The following PPP2R1B variants were observed in gnomAD, a reference collection of about 807,000 sequenced individuals.
PPP2R1B encodes the protein serine/threonine-protein phosphatase 2A 65 kDa regulatory subunit A beta isoform.
PPP2R1B carries 58 observed loss-of-function variants against 72.7 expected under a neutral mutation model. The observed-to-expected ratio is 0.80, with a 90% CI of 0.65 to 0.99. The LOEUF (loss-of-function observed/expected upper bound fraction) is 0.99, where lower values mean the gene tolerates loss of function less well. Ranked by LOEUF, PPP2R1B falls within the 50% of genes least tolerant of loss-of-function variation. The pLI, the probability that PPP2R1B is intolerant of heterozygous loss-of-function variation, is 0.00. For missense variants in PPP2R1B, 695 were observed against 733.6 expected (o/e 0.95, Z 0.61); for synonymous variants, 256 against 264.6 (o/e 0.97, Z 0.32).
the PPP2R1B span, among the ~76,000 whole-genome samples, chr11:111,697,298 G>A: frequency 1.5e-4 from 23 of 152,146 alleles, no homozygotes. Flanking sequence ...TTTAAGAGGT[G>A]GGAACAACAT....
chr11:111,720,738 G>A, the PPP2R1B span: 1 of 1,601,018 alleles, frequency 6.2e-7, no homozygotes, highest in Non-Finnish European at 8.5e-7. Flanking sequence ...GGGCCGCAGA[G>A]CATCAGATAC....
At chr11:111,692,557 G>C in the PPP2R1B span, among the ~76,000 whole-genome samples, 1 of 151,916 alleles carries the variant, frequency 6.6e-6, no homozygotes, top group Non-Finnish European at 1.5e-5. Context: ...AGGAGAGGCG[G>C]GCATGGGCCA....
chr11:111,718,509 C>T, the PPP2R1B span, among the ~76,000 whole-genome samples: 2 of 152,220 alleles, frequency 1.3e-5, no homozygotes, highest in Non-Finnish European at 2.9e-5. Flanking sequence ...ATGCATTAGC[C>T]ACCTTACCCG....
chr11:111,741,668 A>C, intron 14 of PPP2R1B, 56 bp from the exon 15 acceptor site: 3 of 1,558,888 alleles, frequency 1.9e-6, no homozygotes. Context: ...CGAACGATCT[A>C]TGTGAATATT....
the PPP2R1B span, chr11:111,712,365 A>G: frequency 6.2e-7 from 1 of 1,613,984 alleles, no homozygotes; most frequent in Non-Finnish European, 8.5e-7. Flanking sequence ...GAGTGTGTGG[A>G]CACTCCAAAG....
At chr11:111,731,944 C>T (rs1482456825) in intron 15 of PPP2R1B, among the ~76,000 whole-genome samples, 1 of 152,214 alleles carries the variant, frequency 6.6e-6, no homozygotes, top group Non-Finnish European at 1.5e-5. Flanking sequence ...AGGACGCAGG[C>T]AAAATAACAG....
At chr11:111,742,184 G>T in intron 13 of PPP2R1B, 40 bp from the exon 14 acceptor site, 1 of 1,488,790 alleles carries the variant, frequency 6.7e-7, no homozygotes, top group Non-Finnish European at 9.3e-7. Flanking sequence ...ACAGTCTAAT[G>T]GGCCATAGAA....
At chr11:111,720,888 C>G in the PPP2R1B span, 1 of 1,612,524 alleles carries the variant, frequency 6.2e-7, no homozygotes, top group Non-Finnish European at 8.5e-7. Context: ...GGTCTTGGTG[C>G]TTTCTTTCAG....
At chr11:111,692,923 A>G in the PPP2R1B span, among the ~76,000 whole-genome samples, 2 of 152,192 alleles carry the variant, frequency 1.3e-5, no homozygotes, top group East Asian at 3.8e-4. Context: ...CAAAATTAAA[A>G]TATTTTTGTG....
At chr11:111,763,236 A>T (rs1945392609) in intron 3 of PPP2R1B, among the ~76,000 whole-genome samples, 1 of 152,192 alleles carries the variant, frequency 6.6e-6, no homozygotes, top group Non-Finnish European at 1.5e-5. Flanking sequence ...GGGAATAATG[A>T]GCTTGGTTAG....
At chr11:111,714,666 T>C in the PPP2R1B span, among the ~76,000 whole-genome samples, 1 of 152,112 alleles carries the variant, frequency 6.6e-6, no homozygotes, top group Non-Finnish European at 1.5e-5. Flanking sequence ...GAGAGCCATT[T>C]TCAGAAATGG....
chr11:111,743,563 C>T (rs1388063887), intron 11 of PPP2R1B, 33 bp from the exon 12 acceptor site: 18 of 1,574,850 alleles, frequency 1.1e-5, no homozygotes, highest in Admixed American at 2.0e-5. Flanking sequence ...GTTCTCATAT[C>T]GCTTATTGTT....
chr11:111,721,714 A>AT, the PPP2R1B span: 1 of 676,710 alleles, frequency 1.5e-6, no homozygotes, highest in South Asian at 2.2e-5. Context: ...TTGAGTATTA[A>AT]TAAGTCTCAG....
At chr11:111,745,047 A>ATT (rs10579316) in intron 11 of PPP2R1B, among the ~76,000 whole-genome samples, 7 of 84,976 alleles carry the variant, frequency 8.2e-5, no homozygotes, top group African/African-American at 1.6e-4. Flanking sequence ...TTCTCCTCTA[A>ATT]TTTTTTTTTT....
chr11:111,688,270 A>G, the PPP2R1B span: 2 of 1,082,882 alleles, frequency 1.8e-6, no homozygotes, highest in East Asian at 4.8e-5. This position sits in a 1 kb window ranked among gnomAD's most constrained non-coding sequence, Gnocchi z 4.2. Context: ...ACCTGATGAC[A>G]TCAGGCTATC....
At chr11:111,725,035 C>A (rs1449716010), downstream of PPP2R1B, 1 of 152,656 alleles carries the variant, frequency 6.6e-6, no homozygotes, top group East Asian at 1.9e-4. Flanking sequence ...GATGTAATAA[C>A]TACTTTGACC....
chr11:111,715,792 GCTTT>G, the PPP2R1B span, among the ~76,000 whole-genome samples: 1 of 111,682 alleles, frequency 9.0e-6, no homozygotes, highest in African/African-American at 3.3e-5. Context: ...GTCATTTTTA[GCTTT>G]TTTTTTTTTT....
At chr11:111,756,741 G>C (rs1945133523) in intron 5 of PPP2R1B, among the ~76,000 whole-genome samples, 1 of 152,208 alleles carries the variant, frequency 6.6e-6, no homozygotes, top group Admixed American at 6.5e-5. Context: ...TGGGATTAAT[G>C]AACTCAACTT....
Position 111,742,163 on chromosome 11 carries a change from A to T in PPP2R1B, c.1698-19T>A, listed in dbSNP as rs745916387. 25 of 1,586,890 alleles carry T rather than the reference A, an allele frequency of 1.6e-5. No individual in the cohort carries two copies. The highest frequency in any genetic ancestry group is 2.1e-5 in the Non-Finnish European group (24 of 1,155,882). On this transcript the variant is annotated intron_variant, in intron 13 of 14. Transcript: ENST00000527614. ...TAAAGCACTGACATTCAAAAGTATT[A>T]TCTGTGAAAGACAGTCTAATGGGCC... is the stretch of plus-strand genomic sequence containing the variant.
Sources: gnomAD v4.1 joint callset for allele counts (sites outside exome capture counted in the v4.1 genomes callset) on GRCh38, gnomAD v4.1.1 for gene constraint, Gnocchi (gnomAD v3.1) non-coding constraint, MANE v1.5 for transcripts, NCBI Gene and HGNC (gene_info 2026-07-23, HGNC 2026-07-21) for gene names.